ELAVL4: variants seen among roughly 807,000 people sequenced by gnomAD.
The protein encoded by ELAVL4 is ELAV-like protein 4.
Under a neutral mutation model 35.6 loss-of-function variants are expected in ELAVL4, and 1 was observed. The ratio of observed to expected loss-of-function variants is 0.03; its 90% confidence interval spans 0.01 to 0.13. The LOEUF (loss-of-function observed/expected upper bound fraction) is 0.13. Among genes scored for constraint, ELAVL4 ranks in the 10% least tolerant of loss-of-function variants. ELAVL4 has a pLI of 1.00. For missense variants in ELAVL4, 267 were observed against 464.9 expected (o/e 0.57, Z 3.91); for synonymous variants, 156 against 171.0 (o/e 0.91, Z 0.69).
At chr1:50,169,003 G>A (rs2148796879) in intron 2 of ELAVL4, among the ~76,000 whole-genome samples, 1 of 149,320 alleles carries the variant, frequency 6.7e-6, no homozygotes, top group Non-Finnish European at 1.5e-5. Flanking sequence ...TATATATAAA[G>A]AGGAGTTTAT....
chr1:50,072,581 A>C (rs2148488361), intron 1 of ELAVL4, among the ~76,000 whole-genome samples: 1 of 152,220 alleles, frequency 6.6e-6, no homozygotes, highest in Admixed American at 6.5e-5. Flanking sequence ...CTCTCCCTCA[A>C]GCTCATCAAG....
intron 2 of ELAVL4, among the ~76,000 whole-genome samples, chr1:50,155,258 G>A (rs773471439): frequency 7.0e-6 from 1 of 141,938 alleles, no homozygotes; most frequent in Non-Finnish European, 1.5e-5. Flanking sequence ...CCATCTAGGA[G>A]TTTTCTTTAC....
At chr1:50,121,593 T>A (rs1179935427) in intron 1 of ELAVL4, among the ~76,000 whole-genome samples, 2 of 152,070 alleles carry the variant, frequency 1.3e-5, no homozygotes, top group Non-Finnish European at 2.9e-5. Flanking sequence ...CTTTGTTGGG[T>A]CATGGTCAGA....
intron 3 of ELAVL4, among the ~76,000 whole-genome samples, chr1:50,178,314 AACC>A (rs1680429634): frequency 6.6e-6 from 1 of 152,194 alleles, no homozygotes; most frequent in African/African-American, 2.4e-5. Context: ...GAAAACACAA[AACC>A]AGAACTTTTT....
At chr1:50,104,366 A>T (rs1159984673), upstream of ELAVL4, among the ~76,000 whole-genome samples, 1 of 152,256 alleles carries the variant, frequency 6.6e-6, no homozygotes, top group Non-Finnish European at 1.5e-5. Context: ...TGTTTAAGAC[A>T]TATGGTGAGT....
intron 1 of ELAVL4, among the ~76,000 whole-genome samples, chr1:50,051,112 A>G (rs909764789): frequency 1.3e-5 from 2 of 152,190 alleles, no homozygotes; most frequent in African/African-American, 4.8e-5. Context: ...ATCTAAACTT[A>G]GTAGTCATGA....
At chr1:50,080,266 C>T (rs1002529640) in intron 1 of ELAVL4, among the ~76,000 whole-genome samples, 3 of 152,106 alleles carry the variant, frequency 2.0e-5, no homozygotes, top group Non-Finnish European at 4.4e-5. Flanking sequence ...AAGGCTCAGA[C>T]GTCAGAATAT....
intron 1 of ELAVL4, among the ~76,000 whole-genome samples, chr1:50,053,877 T>C (rs1050498241): frequency 2.0e-5 from 3 of 152,192 alleles, no homozygotes; most frequent in Non-Finnish European, 2.9e-5. Context: ...CAGTGGAGGA[T>C]TGCAGTCTTG....
intron 2 of ELAVL4, among the ~76,000 whole-genome samples, chr1:50,152,368 G>A (rs936654761): frequency 2.6e-5 from 4 of 151,888 alleles, no homozygotes; most frequent in South Asian, 2.1e-4. Context: ...TGTTTGGTTC[G>A]TAAGACCAAT....
intron 2 of ELAVL4, chr1:50,174,354 T>A (rs1274447232): frequency 6.6e-6 from 1 of 152,196 alleles, no homozygotes. Flanking sequence ...ACAGGCAAGT[T>A]TTTCTGCCTC....
intron 1 of ELAVL4, among the ~76,000 whole-genome samples, chr1:50,123,924 A>G (rs1669456141): frequency 6.6e-6 from 1 of 152,090 alleles, no homozygotes. Flanking sequence ...TCCACACTCC[A>G]TAATCAAATG....
chr1:50,153,384 G>T (rs905602830), intron 2 of ELAVL4, among the ~76,000 whole-genome samples: 1 of 152,198 alleles, frequency 6.6e-6, no homozygotes, highest in Non-Finnish European at 1.5e-5. Context: ...CCTGATCAGT[G>T]ATTTTATTCC....
chr1:50,195,863 T>C lies in ELAVL4; in HGVS notation c.734+77T>C. 3.3e-6 allele frequency: 5 copies of C among 1,536,542 alleles called. No homozygotes were observed. In the South Asian group the frequency reaches 4.6e-5, roughly 14 times the overall value. On this transcript the variant is annotated intron_variant, in intron 5 of 6. Transcript: ENST00000371824. ...CAAGAGCCAGGGAAGCCCATGGTCC[T>C]GACAAATGGGGCAAGGGTAAAAGCT...
At chr1:50,113,776 C>G (rs749269218) in intron 1 of ELAVL4, among the ~76,000 whole-genome samples, 12 of 152,068 alleles carry the variant, frequency 7.9e-5, no homozygotes, top group Non-Finnish European at 1.8e-4. Context: ...TCCATTCCCC[C>G]ATCCATGTAA....
chr1:50,191,996 TC>T (rs1682730291), intron 3 of ELAVL4, among the ~76,000 whole-genome samples: 1 of 152,206 alleles, frequency 6.6e-6, no homozygotes, highest in Admixed American at 6.5e-5. Context: ...ACACACTTTG[TC>T]CCTTAAAGAA....
At chr1:50,146,094 G>A (rs1187050781) in intron 2 of ELAVL4, among the ~76,000 whole-genome samples, 8 of 151,248 alleles carry the variant, frequency 5.3e-5, no homozygotes. Flanking sequence ...TGTCAGTTTT[G>A]AGTATTGACT....
chr1:50,079,393 C>T (rs764870693), intron 1 of ELAVL4, among the ~76,000 whole-genome samples: 1 of 152,166 alleles, frequency 6.6e-6, no homozygotes, highest in African/African-American at 2.4e-5. Flanking sequence ...AGAGAGGTTA[C>T]AGTACATTTT....
intron 1 of ELAVL4, among the ~76,000 whole-genome samples, chr1:50,126,739 C>G (rs1253577995): frequency 6.6e-6 from 1 of 152,058 alleles, no homozygotes. Flanking sequence ...TTATTCTCAT[C>G]CCAAACCTCC....
intron 1 of ELAVL4, among the ~76,000 whole-genome samples, chr1:50,123,887 C>T (rs1341408096): frequency 6.6e-6 from 1 of 152,122 alleles, no homozygotes. Flanking sequence ...TCTGTTAACA[C>T]TGCCAGCATC....
Sources: gnomAD v4.1 joint callset for allele counts (sites outside exome capture counted in the v4.1 genomes callset) on GRCh38, gnomAD v4.1.1 for gene constraint, MANE v1.5 for transcripts, NCBI Gene and HGNC (gene_info 2026-07-23, HGNC 2026-07-21) for gene names.